The following DYSF variants were observed in gnomAD, a reference collection of about 807,000 sequenced individuals.
The protein encoded by DYSF is dysferlin.
A neutral mutation model predicts 274.9 loss-of-function variants in DYSF; 212 were observed. That is an observed-to-expected ratio of 0.77 (90% CI 0.69 to 0.86). The LOEUF (loss-of-function observed/expected upper bound fraction) is 0.86. Among genes scored for constraint, DYSF ranks in the 40% least tolerant of loss-of-function variants. The pLI is 0.00. For synonymous variants in DYSF, 1,091 were observed against 1,078.7 expected, an observed-to-expected ratio of 1.01 and a Z score of -0.22; for missense variants, 2,666 against 2,783.2, an observed-to-expected ratio of 0.96 and a Z score of 0.95.
At chr2:71,469,257 A>G (rs948668327) in intron 1 of DYSF, among the ~76,000 whole-genome samples, 1 of 152,148 alleles carries the variant, frequency 6.6e-6, no homozygotes, top group African/African-American at 2.4e-5. Context: ...CGTTAGAACC[A>G]GGTTCAGAAC....
At chr2:71,647,066 A>G (rs1284140748) in intron 42 of DYSF, among the ~76,000 whole-genome samples, 1 of 152,198 alleles carries the variant, frequency 6.6e-6, no homozygotes, top group Non-Finnish European at 1.5e-5. Flanking sequence ...AAAATGGATA[A>G]GAATGTATAA....
intron 26 of DYSF, 95 bp from the exon 27 acceptor site, chr2:71,569,725 G>A: frequency 9.5e-7 from 1 of 1,049,828 alleles, no homozygotes; most frequent in South Asian, 1.3e-5. Context: ...GTTGGGGTGA[G>A]GCTGACATAC....
intron 40 of DYSF, among the ~76,000 whole-genome samples, chr2:71,613,740 G>A (rs2093821724): frequency 6.6e-6 from 1 of 152,108 alleles, no homozygotes. Flanking sequence ...AGAGAAGGAC[G>A]ACAGGGGAGG....
chr2:71,466,963 C>A (rs1351530322), intron 1 of DYSF, 30 bp downstream of exon 1: 2 of 1,546,586 alleles, frequency 1.3e-6, no homozygotes, highest in East Asian at 2.5e-5. Flanking sequence ...CGCGCCCATG[C>A]TCGGGTGCTA....
intron 21 of DYSF, among the ~76,000 whole-genome samples, chr2:71,555,002 TCAG>T (rs2091240870): frequency 2.6e-5 from 4 of 151,934 alleles, no homozygotes; most frequent in Middle Eastern, 3.2e-3. Flanking sequence ...CATGCTCAGA[TCAG>T]CAGGTGGAGG....
chr2:71,467,226 A>G lies in DYSF; in HGVS notation c.91+293A>G, dbSNP rs569800246. Among the ~76,000 whole-genome samples the G allele has an allele frequency of 3.8e-4, 58 of 152,352 alleles. No individual in the cohort carries two copies. In the South Asian group the frequency reaches 5.4e-3, roughly 14 times the overall value. ...CAGAGGAAATAAAGTCCGAGCTTTT[A>G]CTGGGTAGTGGGGATAAGGGTAAGT... On this transcript the variant is annotated intron_variant, in intron 1 of 55. Transcript: ENST00000410020.
chr2:71,618,971 C>G (rs755452591), intron 40 of DYSF, among the ~76,000 whole-genome samples: 26 of 152,044 alleles, frequency 1.7e-4, no homozygotes, highest in Non-Finnish European at 2.9e-4. Context: ...CAGTTATAGT[C>G]TCTGGGATGC....
chr2:71,648,799 G>A (rs140907553), intron 42 of DYSF, among the ~76,000 whole-genome samples: 4 of 152,162 alleles, frequency 2.6e-5, no homozygotes, highest in African/African-American at 9.6e-5. Flanking sequence ...AAATCAAGAT[G>A]GCTTCCATTT....
At chr2:71,663,693 C>G (rs950791858) in intron 45 of DYSF, among the ~76,000 whole-genome samples, 12 of 152,210 alleles carry the variant, frequency 7.9e-5, no homozygotes, top group African/African-American at 2.9e-4. Context: ...ACAGCAAGAG[C>G]TCTCGCCAGA....
chr2:71,636,535 T>C (rs2094405817), intron 41 of DYSF, among the ~76,000 whole-genome samples: 1 of 152,050 alleles, frequency 6.6e-6, no homozygotes. Context: ...TGCCATTTGT[T>C]CATATGAGGA....
chr2:71,503,342 C>G, intron 4 of DYSF, 23 bp downstream of exon 4: 1 of 1,612,358 alleles, frequency 6.2e-7, no homozygotes, highest in Non-Finnish European at 8.5e-7. Flanking sequence ...CAGCCTCTGC[C>G]AGGTTAAGGT....
chr2:71,529,204 CT>C lies in DYSF; in HGVS notation c.1380+805del, dbSNP rs1217775391. 2.0e-5 allele frequency among the ~76,000 whole-genome samples: 3 copies of C among 152,158 alleles called. No individual in the cohort carries two copies. The East Asian group carries it at 5.8e-4, about 29-fold the overall frequency. On this transcript the variant is annotated intron_variant, in intron 14 of 55. Transcript: ENST00000410020. ...CAGAAAATGTGGACCTGCCTTGATT[CT>C]TCCTTCTTTTTTCTCTCTCCACATC...
chr2:71,600,643 A>G, intron 33 of DYSF, 59 bp from the exon 34 acceptor site: 2 of 1,612,166 alleles, frequency 1.2e-6, no homozygotes, highest in Non-Finnish European at 1.7e-6. Context: ...GATCTCTCTG[A>G]GGCTCCCTAG....
At chr2:71,618,774 G>T (rs1558642562) in intron 40 of DYSF, among the ~76,000 whole-genome samples, 1 of 151,574 alleles carries the variant, frequency 6.6e-6, no homozygotes, top group African/African-American at 2.4e-5. Flanking sequence ...GTGTGAGTGT[G>T]TTTTTTGTGT....
chr2:71,598,369 C>T (rs1165734123), intron 32 of DYSF, among the ~76,000 whole-genome samples, 195 bp from the exon 33 acceptor site: 2 of 152,232 alleles, frequency 1.3e-5, no homozygotes, highest in South Asian at 2.1e-4. Context: ...CATGTCCCCA[C>T]CGTGGCCTCC....
chr2:71,674,161 T>G, intron 51 of DYSF, 36 bp from the exon 52 acceptor site: 1 of 1,600,900 alleles, frequency 6.2e-7, no homozygotes, highest in Admixed American at 1.7e-5. Flanking sequence ...CTAACCTTGC[T>G]TCCTTGCATC....
chr2:71,499,524 C>CA (rs1255422628), intron 3 of DYSF, among the ~76,000 whole-genome samples: 1 of 152,228 alleles, frequency 6.6e-6, no homozygotes, highest in Admixed American at 6.5e-5. Context: ...CCCACCCTCC[C>CA]ACATGCTGCC....
At chr2:71,606,955 C>A (rs2152867443) in intron 36 of DYSF, among the ~76,000 whole-genome samples, 1 of 152,306 alleles carries the variant, frequency 6.6e-6, no homozygotes. Context: ...TTCACCCTCC[C>A]TCTTCCCCTT....
intron 21 of DYSF, 48 bp from the exon 22 acceptor site, chr2:71,555,917 C>A: frequency 2.0e-6 from 3 of 1,469,426 alleles, no homozygotes; most frequent in Non-Finnish European, 2.8e-6. Context: ...CAGCATGCAC[C>A]CTCTGCCCTG....
Sources: allele counts gnomAD v4.1 joint callset (sites outside exome capture counted in the v4.1 genomes callset), GRCh38; gene constraint gnomAD v4.1.1; transcripts MANE v1.5; gene names NCBI Gene and HGNC (gene_info 2026-07-23, HGNC 2026-07-21).